OTOA: variants seen among roughly 807,000 people sequenced by gnomAD.
OTOA encodes the protein otoancorin, also known as cancer/testis antigen 108.
A neutral mutation model predicts 110.8 loss-of-function variants in OTOA; 70 were observed. The ratio of observed to expected loss-of-function variants is 0.63; its 90% confidence interval spans 0.52 to 0.77. The LOEUF (loss-of-function observed/expected upper bound fraction) is 0.77. Among genes scored for constraint, OTOA ranks in the 30% least tolerant of loss-of-function variants. The probability of loss-of-function intolerance (pLI) is 0.00; values close to 1 mark genes in which losing one functional copy is unlikely to be tolerated. For synonymous variants in OTOA, 373 were observed against 431.5 expected, an observed-to-expected ratio of 0.86 and a Z score of 1.68; for missense variants, 917 against 1,075.8, an observed-to-expected ratio of 0.85 and a Z score of 2.06.
At chr16:21,684,577 G>A in intron 6 of OTOA, 7 of 1,532,538 alleles carry the variant, frequency 4.6e-6, no homozygotes, top group Non-Finnish European at 6.2e-6. Context: ...GGGGGAATCG[G>A]GCTGGCTGGG....
At chr16:21,720,891 A>G (rs1898708713) in intron 17 of OTOA, among the ~76,000 whole-genome samples, 2 of 149,436 alleles carry the variant, frequency 1.3e-5, no homozygotes, top group African/African-American at 2.5e-5. Context: ...ATTTTTACTA[A>G]AACACATTAT....
chr16:21,714,895 C>A (rs556189180), intron 13 of OTOA, 90 bp from the exon 14 acceptor site: 4 of 1,549,546 alleles, frequency 2.6e-6, no homozygotes, highest in South Asian at 1.1e-5. Flanking sequence ...TGTCACCCAT[C>A]CCTATACTTG....
Position 21,730,616 on chromosome 16 carries a change from G to A in OTOA, c.2208-221G>A, listed in dbSNP as rs185543156. On this transcript the variant is annotated intron_variant, in intron 20 of 28. Coordinates refer to ENST00000646100, the MANE Select transcript of OTOA (RefSeq NM_144672.4). ...CTCCCCTACTGCCAGAGATACCAGA[G>A]AAAGGAGAGCTTCTCTGATAGTTCC... 1,529 of 493,710 alleles carry A rather than the reference G, an allele frequency of 3.1e-3. 10 individuals are homozygous for A. The highest frequency in any genetic ancestry group is 3.8e-3 in the Non-Finnish European group (997 of 260,928). 30.6% of individuals were successfully genotyped at this position (493,710 alleles called of 1,614,324 possible).
chr16:21,695,864 G>GAGATAT (rs1897920566), intron 9 of OTOA, among the ~76,000 whole-genome samples: 4 of 81,706 alleles, frequency 4.9e-5, no homozygotes, highest in African/African-American at 2.1e-4. Flanking sequence ...TCCTAGACTT[G>GAGATAT]AGATATATAT....
In OTOA at chr16:21,681,752, C is replaced by T. The variant is rs140152105; in HGVS notation, c.194C>T (p.Thr65Met). The change falls in exon 6 of 29, where the codon ACG (threonine) becomes ATG (methionine). Residue 65 changes from threonine to methionine, a missense_variant. Physicochemically the swap from Thr to Met is moderately conservative, Grantham distance 81. Transcript: ENST00000646100. ...TTCAACTGAAGCTCCCACGTGTGGACGGATGACCTGTCCCACAGAGTCCTG... is the reference window on the plus strand; with the variant it reads ...TTCAACTGAAGCTCCCACGTGTGGATGGATGACCTGTCCCACAGAGTCCTG... ...LIQFQSSHVW[T>M]DDLSHRVLAY... The T allele has an allele frequency of 1.2e-4, 195 of 1,613,852 alleles. 1 individual carries two copies. Among genetic ancestry groups the T allele is most frequent in the South Asian group, 4.5e-4 (41 of 91,078 alleles).
intron 19 of OTOA, among the ~76,000 whole-genome samples, chr16:21,727,654 A>G (rs1898963910): frequency 6.6e-6 from 1 of 152,112 alleles, no homozygotes; most frequent in African/African-American, 2.4e-5. Flanking sequence ...CAATAGTATA[A>G]TGGTGGTTGA....
intron 24 of OTOA, among the ~76,000 whole-genome samples, chr16:21,751,432 C>T (rs1240947589): frequency 2.5e-4 from 12 of 47,630 alleles, no homozygotes; most frequent in East Asian, 1.7e-3. Context: ...GGCTAAAGCA[C>T]GAGAATTGCT....
intron 8 of OTOA, among the ~76,000 whole-genome samples, chr16:21,689,084 G>A (rs1389577071): frequency 6.6e-6 from 1 of 152,058 alleles, no homozygotes; most frequent in Non-Finnish European, 1.5e-5. Flanking sequence ...AACCAAATTC[G>A]AGGATTGTGT....
intron 14 of OTOA, among the ~76,000 whole-genome samples, chr16:21,715,859 A>G (rs1333069071): frequency 6.6e-6 from 1 of 151,332 alleles, no homozygotes; most frequent in Non-Finnish European, 1.5e-5. Flanking sequence ...CCAAAGTCCT[A>G]GGGTGCATCT....
intron 12 of OTOA, among the ~76,000 whole-genome samples, chr16:21,707,240 T>C (rs954715820): frequency 1.3e-5 from 2 of 151,826 alleles, no homozygotes; most frequent in Admixed American, 1.3e-4. Context: ...AAGATAAATG[T>C]ATTTTAAGGC....
At position 21,716,908 on chromosome 16, in the gene OTOA, T is replaced by C. The variant is rs1898572155; in HGVS notation, c.1490T>C (p.Met497Thr). The C allele has an allele frequency of 6.2e-7, 1 of 1,613,936 alleles. No individual in the cohort carries two copies. Among genetic ancestry groups the C allele is most frequent in the Non-Finnish European group, 8.5e-7 (1 of 1,179,978 alleles). The change falls in exon 15 of 29, where the codon ATG becomes ACG. Residue 497 changes from methionine (M) to threonine (T), a missense_variant and splice_region_variant. Physicochemically the swap from Met to Thr is moderately conservative, Grantham distance 81. Around this residue, in one of 6 missense-constraint regions of OTOA, gnomAD observed 840 missense variants for 910.2 expected, o/e 0.92. Transcript: ENST00000646100. Reference sequence around the variant, plus strand: ...TTTGTTGCTTCTCGCTTCTGGCAGATGGTCCAAGCGGAAGACACTGCCCCA... The same window carrying C: ...TTTGTTGCTTCTCGCTTCTGGCAGACGGTCCAAGCGGAAGACACTGCCCCA... ...PAQQQGILSK[M>T]VQAEDTAPGI... is the part of the protein sequence containing the mutation.
intron 9 of OTOA, among the ~76,000 whole-genome samples, chr16:21,697,261 G>T (rs889390175): frequency 6.6e-6 from 1 of 152,110 alleles, no homozygotes; most frequent in Non-Finnish European, 1.5e-5. Context: ...GGTCTGAGGT[G>T]GTGCGAATCT....
Sources: allele counts gnomAD v4.1 joint callset (sites outside exome capture counted in the v4.1 genomes callset), GRCh38; gene constraint gnomAD v4.1.1; regional missense constraint gnomAD v4.1.1; transcripts MANE v1.5; gene names NCBI Gene and HGNC (gene_info 2026-07-23, HGNC 2026-07-21).